UGT1A10: variants seen among roughly 807,000 people sequenced by gnomAD.
UGT1A10 encodes the protein UDP-glucuronosyltransferase 1A10.
A neutral mutation model predicts 45.8 loss-of-function variants in UGT1A10; 49 were observed. The ratio of observed to expected loss-of-function variants is 1.07; its 90% CI spans 0.85 to 1.36. The LOEUF (loss-of-function observed/expected upper bound fraction) is 1.36, where lower values mean the gene tolerates loss of function less well. Ranked by LOEUF, UGT1A10 falls within the 40% of genes most tolerant of loss-of-function variation. The pLI is 0.00. For synonymous variants in UGT1A10, 284 were observed against 249.7 expected, an observed-to-expected ratio of 1.14 and a Z score of -1.29; for missense variants, 745 against 668.6, an observed-to-expected ratio of 1.11 and a Z score of -1.26.
intron 1 of UGT1A10, among the ~76,000 whole-genome samples, chr2:233,742,134 C>G (rs1691883024): frequency 6.6e-6 from 1 of 151,870 alleles, no homozygotes; most frequent in African/African-American, 2.4e-5. Flanking sequence ...AGACCCTAAC[C>G]CAGCAGCGCT....
At chr2:233,760,776 C>G in intron 1 of UGT1A10, 1 of 1,613,940 alleles carries the variant, frequency 6.2e-7, no homozygotes, top group Non-Finnish European at 8.5e-7. Context: ...TGGCCCAGTA[C>G]CTGTCTCTGC....
chr2:233,708,499 C>T (rs1169356976), intron 1 of UGT1A10: 1 of 152,226 alleles, frequency 6.6e-6, no homozygotes, highest in Non-Finnish European at 1.5e-5. Flanking sequence ...TGCTTATAAT[C>T]CCAGCACTTT....
At chr2:233,674,763 G>A (rs1373199990) in intron 1 of UGT1A10, among the ~76,000 whole-genome samples, 2 of 152,070 alleles carry the variant, frequency 1.3e-5, no homozygotes, top group African/African-American at 2.4e-5. Context: ...ATGACTATAC[G>A]TGTAAAGCCA....
chr2:233,728,121 T>C (rs1274585713), intron 1 of UGT1A10, among the ~76,000 whole-genome samples: 1 of 152,216 alleles, frequency 6.6e-6, no homozygotes, highest in East Asian at 1.9e-4. Flanking sequence ...ATCTTGAAAT[T>C]TGGACTAGGG....
intron 1 of UGT1A10, among the ~76,000 whole-genome samples, chr2:233,756,741 C>T (rs1366742518): frequency 6.6e-6 from 1 of 152,100 alleles, no homozygotes; most frequent in Admixed American, 6.6e-5. Context: ...TTCACCTCCT[C>T]CTTATTCTCT....
chr2:233,647,788 C>T, intron 1 of UGT1A10: 1 of 628,792 alleles, frequency 1.6e-6, no homozygotes, highest in Admixed American at 3.2e-5. Flanking sequence ...CCTAATCAGT[C>T]TGGGTAGAGA....
chr2:233,687,348 G>T (rs542645031), intron 1 of UGT1A10, among the ~76,000 whole-genome samples: 1 of 152,264 alleles, frequency 6.6e-6, no homozygotes, highest in East Asian at 1.9e-4. Flanking sequence ...TTAAACTTCA[G>T]ATGGGTGGAC....
chr2:233,680,599 C>A (rs1049306148), intron 1 of UGT1A10, among the ~76,000 whole-genome samples: 2 of 152,164 alleles, frequency 1.3e-5, no homozygotes, highest in Admixed American at 6.5e-5. Flanking sequence ...CCATTAAAAT[C>A]TGCATGATGG....
At chr2:233,762,434 G>T (rs1698074575) in intron 1 of UGT1A10, among the ~76,000 whole-genome samples, 1 of 152,184 alleles carries the variant, frequency 6.6e-6, no homozygotes, top group Non-Finnish European at 1.5e-5. Flanking sequence ...GAGTAACAGT[G>T]TATTCCCACT....
chr2:233,726,371 C>A (rs1294856696), intron 1 of UGT1A10, among the ~76,000 whole-genome samples: 2 of 152,074 alleles, frequency 1.3e-5, no homozygotes, highest in African/African-American at 4.8e-5. Flanking sequence ...ACAACAAAAA[C>A]CAAAATTGCT....
chr2:233,646,092 A>G (rs375138594), intron 1 of UGT1A10, among the ~76,000 whole-genome samples: 3 of 152,178 alleles, frequency 2.0e-5, no homozygotes, highest in East Asian at 1.9e-4. Flanking sequence ...TCAACCCCAC[A>G]TGGAAGCTGC....
At chr2:233,682,275 C>A (rs1361366825) in intron 1 of UGT1A10, 2 of 1,614,146 alleles carry the variant, frequency 1.2e-6, no homozygotes, top group Non-Finnish European at 1.7e-6. Context: ...ACAAGTTCAT[C>A]CAATGGTATT....
chr2:233,697,064 T>C (rs2075372984), intron 1 of UGT1A10, among the ~76,000 whole-genome samples: 1 of 152,012 alleles, frequency 6.6e-6, no homozygotes, highest in Non-Finnish European at 1.5e-5. Context: ...CCTTGTCTGG[T>C]TTTGGTATCA....
At position 233,769,640 on chromosome 2, in the gene UGT1A10, T is replaced by G; in HGVS notation, c.1295+1201T>G. ...TGAGCAAGGGACAACAGGGGAGGACTGATGACTGACTTCCCACCTTTGAGG... is the reference window on the plus strand; with the variant it reads ...TGAGCAAGGGACAACAGGGGAGGACGGATGACTGACTTCCCACCTTTGAGG... On this transcript the variant is annotated intron_variant, in intron 4 of 4. Coordinates refer to ENST00000344644, the MANE Select transcript of UGT1A10 (RefSeq NM_019075.4). This position sits in a 1 kb window ranked among gnomAD's most constrained non-coding sequence, Gnocchi z 4.4. The G allele has an allele frequency of 6.2e-7, 1 of 1,609,904 alleles. No individual in the cohort carries two copies. Among genetic ancestry groups the G allele is most frequent in the Non-Finnish European group, 8.5e-7 (1 of 1,178,488 alleles).
At chr2:233,638,424 G>A (rs2073361369) in intron 1 of UGT1A10, among the ~76,000 whole-genome samples, 1 of 152,062 alleles carries the variant, frequency 6.6e-6, no homozygotes, top group South Asian at 2.1e-4. Context: ...TGCATTAGAT[G>A]TACAATATAC....
chr2:233,755,319 C>T (rs776967353), intron 1 of UGT1A10: 53 of 507,946 alleles, frequency 1.0e-4, no homozygotes, highest in Non-Finnish European at 1.5e-4. Context: ...AGCGGCAAGG[C>T]TGCCAGCACC....
At chr2:233,666,908 C>T (rs527488581) in intron 1 of UGT1A10, among the ~76,000 whole-genome samples, 1 of 150,656 alleles carries the variant, frequency 6.6e-6, no homozygotes, top group Admixed American at 6.7e-5. Context: ...TGTTTGGTTT[C>T]TTGTCCTTGT....
intron 1 of UGT1A10, among the ~76,000 whole-genome samples, chr2:233,739,279 C>G (rs11691824): frequency 0.034 from 5,129 of 152,284 alleles, 99 homozygotes; most frequent in African/African-American, 0.051. Flanking sequence ...AGCCCCCACA[C>G]AGAGTCTCCA....
chr2:233,664,349 T>C (rs960611976), intron 1 of UGT1A10, among the ~76,000 whole-genome samples: 1 of 152,226 alleles, frequency 6.6e-6, no homozygotes, highest in African/African-American at 2.4e-5. Context: ...TTTCAGTATC[T>C]TTATAGCAAC....
Sources: allele counts gnomAD v4.1 joint callset (sites outside exome capture counted in the v4.1 genomes callset), GRCh38; gene constraint gnomAD v4.1.1; non-coding constraint Gnocchi (gnomAD v3.1); transcripts MANE v1.5; gene names NCBI Gene and HGNC (gene_info 2026-07-23, HGNC 2026-07-21).